Variants in CPNE4 observed in about 807,000 individuals in gnomAD.
CPNE4 encodes copine-4.
In CPNE4, 25 loss-of-function variants were observed where a neutral mutation model predicts 67.9. The observed-to-expected ratio is 0.37, with a 90% CI of 0.27 to 0.51. The LOEUF is 0.51. Ranked by LOEUF, CPNE4 falls within the 20% of genes least tolerant of loss-of-function variation. The pLI, the probability that CPNE4 is intolerant of heterozygous loss-of-function variation, is 0.93. For missense variants in CPNE4, 464 were observed against 690.8 expected (o/e 0.67, Z 3.68); for synonymous variants, 242 against 244.9 (o/e 0.99, Z 0.11).
intron 15 of CPNE4, among the ~76,000 whole-genome samples, chr3:131,538,425 AC>A (rs1935292948): frequency 6.6e-6 from 1 of 152,170 alleles, no homozygotes; most frequent in Admixed American, 6.6e-5. Context: ...GGCTTTGGGG[AC>A]ATGTATTGGG....
At chr3:131,796,958 T>C (rs779801379) in intron 2 of CPNE4, among the ~76,000 whole-genome samples, 2 of 152,218 alleles carry the variant, frequency 1.3e-5, no homozygotes, top group Non-Finnish European at 2.9e-5. Flanking sequence ...GACTGTTCTC[T>C]CTTTCTTTGG....
rs188852953 is a variant in CPNE4, at chr3:131,941,250, A to T, written c.-1-35806T>A. Among the ~76,000 whole-genome samples, 555 of 152,172 alleles carry T rather than the reference A, an allele frequency of 3.6e-3. 2 individuals are homozygous for T. The highest frequency in any genetic ancestry group is 0.034 in the Middle Eastern group (10 of 294). ...AATTATATTAAGAACGAAGGTAATA[A>T]ATACCCCAAAAGCATCATTTTCTAA... On this transcript the variant is annotated intron_variant, in intron 1 of 15. Transcript: ENST00000429747.
chr3:131,799,910 GTGTGTGTGT>G (rs1287739918), intron 2 of CPNE4, among the ~76,000 whole-genome samples: 15 of 83,026 alleles, frequency 1.8e-4, no homozygotes, highest in African/African-American at 7.7e-4. Flanking sequence ...GTGCGTGTGT[GTGTGTGTGT>G]TGTGTGTGTG....
At chr3:131,760,023 C>A (rs930585602) in intron 2 of CPNE4, among the ~76,000 whole-genome samples, 2 of 152,172 alleles carry the variant, frequency 1.3e-5, no homozygotes, top group South Asian at 2.1e-4. Context: ...AAAGAAAATT[C>A]TTTGCCATTG....
chr3:131,624,575 T>C (rs2079015528), intron 7 of CPNE4, among the ~76,000 whole-genome samples: 1 of 152,190 alleles, frequency 6.6e-6, no homozygotes, highest in South Asian at 2.1e-4. Flanking sequence ...AGAAAGCCTA[T>C]TAACTTTCCA....
At chr3:131,623,474 G>A (rs973346601) in intron 7 of CPNE4, among the ~76,000 whole-genome samples, 2 of 152,204 alleles carry the variant, frequency 1.3e-5, no homozygotes, top group African/African-American at 4.8e-5. Context: ...TCACAAGAGA[G>A]TTTCTCAAAT....
intron 1 of CPNE4, among the ~76,000 whole-genome samples, chr3:131,940,407 T>G (rs2071351076): frequency 1.3e-5 from 2 of 152,146 alleles, no homozygotes; most frequent in Admixed American, 6.5e-5. Context: ...GTCTTTATAT[T>G]TATCAGTATT....
chr3:131,637,857 C>T (rs1399739670), intron 7 of CPNE4, among the ~76,000 whole-genome samples: 2 of 152,072 alleles, frequency 1.3e-5, no homozygotes, highest in Admixed American at 6.6e-5. Context: ...GCCCTACAAG[C>T]TAGAAGGGAT....
chr3:131,674,559 T>G (rs549186261), intron 6 of CPNE4, among the ~76,000 whole-genome samples: 37 of 152,064 alleles, frequency 2.4e-4, no homozygotes, highest in African/African-American at 8.9e-4. Context: ...GTAGATTGTA[T>G]GGGTGTAAGA....
At chr3:131,768,099 T>G (rs1302709871) in intron 2 of CPNE4, among the ~76,000 whole-genome samples, 1 of 152,132 alleles carries the variant, frequency 6.6e-6, no homozygotes, top group African/African-American at 2.4e-5. Flanking sequence ...AGACAGTTTT[T>G]CACATATCAG....
intron 1 of CPNE4, among the ~76,000 whole-genome samples, chr3:131,921,529 G>A (rs1004219989): frequency 6.6e-6 from 1 of 152,150 alleles, no homozygotes; most frequent in Non-Finnish European, 1.5e-5. Context: ...TTCAAGGAAG[G>A]AACTAGAGTA....
chr3:131,681,439 A>G (rs1394773638), intron 6 of CPNE4, among the ~76,000 whole-genome samples: 1 of 152,192 alleles, frequency 6.6e-6, no homozygotes, highest in African/African-American at 2.4e-5. Context: ...AGCACTTTAA[A>G]TATGTTACAC....
intron 6 of CPNE4, among the ~76,000 whole-genome samples, chr3:131,682,573 A>C (rs2080785051): frequency 6.6e-6 from 1 of 152,146 alleles, no homozygotes; most frequent in Admixed American, 6.5e-5. Context: ...ACTGGACTGC[A>C]CTGGGTCAGA....
intron 1 of CPNE4, among the ~76,000 whole-genome samples, chr3:132,020,774 A>T (rs776086103): frequency 6.6e-6 from 1 of 152,330 alleles, no homozygotes; most frequent in East Asian, 1.9e-4. Flanking sequence ...AGGCACTCAC[A>T]GCAGGTCATC....
intron 6 of CPNE4, among the ~76,000 whole-genome samples, chr3:131,681,126 A>G (rs2080741555): frequency 6.6e-6 from 1 of 152,232 alleles, no homozygotes; most frequent in African/African-American, 2.4e-5. Context: ...TGCTATAAAC[A>G]TGCGACCAGT....
At chr3:131,656,486 A>G (rs1203628938) in intron 7 of CPNE4, among the ~76,000 whole-genome samples, 1 of 152,176 alleles carries the variant, frequency 6.6e-6, no homozygotes, top group Non-Finnish European at 1.5e-5. Context: ...ATCTGGTACA[A>G]TGTCATCAAT....
intron 1 of CPNE4, among the ~76,000 whole-genome samples, chr3:131,999,568 T>C (rs950509679): frequency 3.9e-5 from 6 of 152,110 alleles, no homozygotes; most frequent in African/African-American, 1.4e-4. Flanking sequence ...CAATATATAC[T>C]GATATAATTA....
intron 10 of CPNE4, among the ~76,000 whole-genome samples, chr3:131,568,753 T>A (rs1937186388): frequency 6.6e-6 from 1 of 152,048 alleles, no homozygotes; most frequent in Admixed American, 6.6e-5. Context: ...ATGATGAGCA[T>A]CTTTCTTTGG....
intron 7 of CPNE4, among the ~76,000 whole-genome samples, chr3:131,631,580 C>T (rs184392541): frequency 9.2e-5 from 14 of 152,236 alleles, no homozygotes; most frequent in East Asian, 3.9e-4. Context: ...TTACCTTATA[C>T]GGAAAACCGG....
Sources: gnomAD v4.1 joint callset for allele counts (sites outside exome capture counted in the v4.1 genomes callset) on GRCh38, gnomAD v4.1.1 for gene constraint, MANE v1.5 for transcripts, NCBI Gene and HGNC (gene_info 2026-07-23, HGNC 2026-07-21) for gene names.